The following CSMD1 variants were observed in gnomAD, a reference collection of about 807,000 sequenced individuals.
CSMD1 encodes CUB and Sushi multiple domains 1.
CSMD1 carries 213 observed loss-of-function variants against 417.5 expected under a neutral mutation model. The observed-to-expected ratio is 0.51, with a 90% CI of 0.46 to 0.57. CSMD1 has a LOEUF of 0.57. CSMD1 is among the 20% of genes least tolerant of loss of function. The pLI is 0.00. For missense variants in CSMD1, 6,923 were observed against 4,529.7 expected, an observed-to-expected ratio of 1.53 and a Z score of -15.17; for synonymous variants, 2,862 against 1,736.8, an observed-to-expected ratio of 1.65 and a Z score of -16.11.
chr8:3,828,116 T>C (rs1280862889), intron 5 of CSMD1, among the ~76,000 whole-genome samples: 1 of 152,186 alleles, frequency 6.6e-6, no homozygotes, highest in Non-Finnish European at 1.5e-5. Context: ...TAATAGCCCA[T>C]ATGGCAGAAC....
At chr8:3,734,988 G>A (rs1021837382) in intron 6 of CSMD1, among the ~76,000 whole-genome samples, 3 of 152,194 alleles carry the variant, frequency 2.0e-5, no homozygotes, top group African/African-American at 4.8e-5. Context: ...TAGCTCCCCT[G>A]TGGTGTGCAA....
intron 14 of CSMD1, among the ~76,000 whole-genome samples, chr8:3,406,993 G>A (rs1165639787): frequency 6.6e-6 from 1 of 152,142 alleles, no homozygotes; most frequent in African/African-American, 2.4e-5. Context: ...GTGGCTGAGT[G>A]GGTGGGTGGA....
chr8:3,453,486 T>C (rs528584132), intron 12 of CSMD1, among the ~76,000 whole-genome samples: 10 of 152,314 alleles, frequency 6.6e-5, no homozygotes, highest in South Asian at 2.1e-4. Context: ...GCTTTGAATG[T>C]GTCCCAGAGA....
At chr8:4,716,224 G>A (rs146032425) in intron 1 of CSMD1, among the ~76,000 whole-genome samples, 119 of 152,276 alleles carry the variant, frequency 7.8e-4, no homozygotes, top group African/African-American at 2.0e-3. Flanking sequence ...GAGAACAGAA[G>A]GCTGTCTGCC....
chr8:3,814,203 T>C (rs1488865854), intron 5 of CSMD1, among the ~76,000 whole-genome samples: 1 of 152,142 alleles, frequency 6.6e-6, no homozygotes, highest in Non-Finnish European at 1.5e-5. Context: ...TTTCAACATG[T>C]TTCCCAGCTC....
intron 1 of CSMD1, among the ~76,000 whole-genome samples, chr8:4,725,437 T>C (rs534338640): frequency 6.6e-6 from 1 of 152,306 alleles, no homozygotes; most frequent in Non-Finnish European, 1.5e-5. Flanking sequence ...GTTGTTGTTC[T>C]CCATTTCTAT....
chr8:3,025,186 G>C (rs1297763513), intron 51 of CSMD1, among the ~76,000 whole-genome samples: 2 of 149,742 alleles, frequency 1.3e-5, no homozygotes, highest in African/African-American at 5.0e-5. Context: ...CTGATACCGT[G>C]TATTGTGTGG....
chr8:3,494,363 A>T (rs775256189), intron 10 of CSMD1, among the ~76,000 whole-genome samples: 3 of 152,186 alleles, frequency 2.0e-5, no homozygotes, highest in Non-Finnish European at 4.4e-5. Flanking sequence ...AGAGCACAAG[A>T]TCTTTTTCTC....
chr8:4,263,625 G>C (rs1804036916), intron 3 of CSMD1, among the ~76,000 whole-genome samples: 1 of 152,196 alleles, frequency 6.6e-6, no homozygotes, highest in South Asian at 2.1e-4. Flanking sequence ...TTGTCAAATA[G>C]GAAACCATAT....
At chr8:3,761,985 G>A (rs556953780) in intron 5 of CSMD1, among the ~76,000 whole-genome samples, 1 of 152,176 alleles carries the variant, frequency 6.6e-6, no homozygotes, top group African/African-American at 2.4e-5. Context: ...CCCTCTTGGT[G>A]ACATCATCCA....
At chr8:4,180,893 T>C (rs1019985312) in intron 3 of CSMD1, among the ~76,000 whole-genome samples, 2 of 152,180 alleles carry the variant, frequency 1.3e-5, no homozygotes, top group East Asian at 1.9e-4. Flanking sequence ...TTACTGTGCA[T>C]TGGTATATTT....
chr8:4,708,019 C>A (rs561068845), intron 1 of CSMD1, among the ~76,000 whole-genome samples: 1 of 151,884 alleles, frequency 6.6e-6, no homozygotes, highest in Non-Finnish European at 1.5e-5. Context: ...ACATAGCTCA[C>A]TGCAGCCTCA....
At chr8:3,712,708 G>C (rs1020569949) in intron 6 of CSMD1, among the ~76,000 whole-genome samples, 3 of 152,148 alleles carry the variant, frequency 2.0e-5, no homozygotes, top group African/African-American at 7.2e-5. Flanking sequence ...ATGAGTTTCT[G>C]TTTTGTTTTA....
chr8:4,099,113 A>G (rs1801171511), intron 3 of CSMD1, among the ~76,000 whole-genome samples: 1 of 151,422 alleles, frequency 6.6e-6, no homozygotes, highest in Non-Finnish European at 1.5e-5. Context: ...TTTTTTGTCC[A>G]TCTCTGCTAC....
intron 5 of CSMD1, among the ~76,000 whole-genome samples, chr8:3,799,436 C>T (rs1402977742): frequency 7.7e-6 from 1 of 129,048 alleles, no homozygotes; most frequent in African/African-American, 2.9e-5. Flanking sequence ...GTGATGTTCC[C>T]CTTCTTGTGT....
chr8:4,173,500 C>T (rs1185946970), intron 3 of CSMD1, among the ~76,000 whole-genome samples: 1 of 151,938 alleles, frequency 6.6e-6, no homozygotes, highest in Non-Finnish European at 1.5e-5. Flanking sequence ...GCTAAGTGCT[C>T]TCGGTAGATG....
chr8:4,824,806 G>A (rs1469472117), intron 1 of CSMD1, among the ~76,000 whole-genome samples: 81 of 152,246 alleles, frequency 5.3e-4, no homozygotes, highest in African/African-American at 2.4e-5. Context: ...GTACTCGGAG[G>A]AAATGACCAG....
At chr8:4,761,361 C>T (rs138090153) in intron 1 of CSMD1, among the ~76,000 whole-genome samples, 1 of 135,906 alleles carries the variant, frequency 7.4e-6, no homozygotes, top group African/African-American at 2.8e-5. Context: ...ATCTTGAAAT[C>T]GTGTTACTTG....
intron 2 of CSMD1, among the ~76,000 whole-genome samples, chr8:4,606,475 T>G (rs950946622): frequency 6.6e-6 from 1 of 152,156 alleles, no homozygotes; most frequent in South Asian, 2.1e-4. Flanking sequence ...CATCATCCGA[T>G]GCCAAGCCCT....
Sources: gnomAD v4.1 joint callset for allele counts (sites outside exome capture counted in the v4.1 genomes callset) on GRCh38, gnomAD v4.1.1 for gene constraint, MANE v1.5 for transcripts, NCBI Gene and HGNC (gene_info 2026-07-23, HGNC 2026-07-21) for gene names.